The following SPICE1 variants were observed in gnomAD, a reference collection of about 807,000 sequenced individuals.
SPICE1 encodes spindle and centriole associated protein 1, also known as spindle and centriole-associated protein 1.
A neutral mutation model predicts 102.7 loss-of-function variants in SPICE1; 75 were observed. That is an observed-to-expected ratio of 0.73 (90% confidence interval 0.61 to 0.88). SPICE1 has a LOEUF of 0.88. Ranked by LOEUF, SPICE1 falls within the 40% of genes least tolerant of loss-of-function variation. The pLI is 0.00. For synonymous variants in SPICE1, 308 were observed against 350.3 expected, an observed-to-expected ratio of 0.88 and a Z score of 1.35; for missense variants, 979 against 1,020.1, an observed-to-expected ratio of 0.96 and a Z score of 0.55.
In SPICE1 at chr3:113,450,470, C is replaced by T. The variant is rs1170954305; in HGVS notation, c.2189G>A (p.Arg730Gln). 1.4e-5 allele frequency: 22 copies of T among 1,613,386 alleles called. No individual in the cohort carries two copies. Among genetic ancestry groups the T allele is most frequent in the Non-Finnish European group, 1.7e-5 (20 of 1,179,970 alleles). The change falls in exon 15 of 18, where the codon CGG becomes CAG. Residue 730 changes from arginine (R) to glutamine (Q), a missense_variant. By Grantham distance (43) the Arg-to-Gln change is conservative. Transcript: ENST00000295872. ...QSLTPGSMEERIAELNRQSME... is the reference protein window; with the variant it reads ...QSLTPGSMEEQIAELNRQSME... ...ACTTTGTCGATTCAATTCTGCAATC[C>T]GTTCCTCCATACTACCTGGTGTTAG... is the stretch of plus-strand genomic sequence containing the variant.
At position 113,445,114 on chromosome 3, in the gene SPICE1, T is replaced by TGGTTGATGAACCAC. The variant is rs1471359941; in HGVS notation, c.*192_*193insGTGGTTCATCAACC. 4.4e-6 allele frequency: 2 copies of TGGTTGATGAACCAC among 450,190 alleles called. No homozygotes were observed. Among genetic ancestry groups the TGGTTGATGAACCAC allele is most frequent in the East Asian group, 6.9e-5 (2 of 29,048 alleles). 27.9% of individuals were successfully genotyped at this position (450,190 alleles called of 1,614,324 possible). On this transcript the variant is annotated 3_prime_UTR_variant, in exon 18 of 18. Transcript: ENST00000295872. Reference sequence around the variant, plus strand: ...TCAAAGTTTCATTCACAGGGAGCTGTAGGTCAGTTGGTTGTTGAAAACTTA... The same window carrying TGGTTGATGAACCAC: ...TCAAAGTTTCATTCACAGGGAGCTGTGGTTGATGAACCACAGGTCAGTTGGTTGTTGAAAACTTA...
Position 113,450,517 on chromosome 3 carries a change from C to A in SPICE1, c.2143-1G>T. 2 of 1,503,680 alleles carry A rather than the reference C, an allele frequency of 1.3e-6. No individual in the cohort carries two copies. Among genetic ancestry groups the A allele is most frequent in the East Asian group, 2.4e-5 (1 of 42,004 alleles). 93.1% of individuals were successfully genotyped at this position (1,503,680 alleles called of 1,614,324 possible). Reference sequence around the variant, plus strand: ...TTAGAGACTGTGCTACTGGAAAAGTCTTTGGGAGAAAAAAAAAAAAAGTAC... The same window carrying A: ...TTAGAGACTGTGCTACTGGAAAAGTATTTGGGAGAAAAAAAAAAAAAGTAC... On this transcript the variant is annotated splice_acceptor_variant, in intron 14 of 17. Coordinates refer to ENST00000295872, the MANE Select transcript of SPICE1 (RefSeq NM_144718.4). LOFTEE classifies it high-confidence loss of function.
intron 14 of SPICE1, among the ~76,000 whole-genome samples, chr3:113,451,047 A>G (rs547917399): frequency 1.3e-3 from 196 of 152,324 alleles, no homozygotes; most frequent in African/African-American, 4.5e-3. Context: ...AGTAAATGCC[A>G]CACATCTTTG....
chr3:113,468,365 T>A lies in SPICE1; in HGVS notation c.929A>T (p.Lys310Met), dbSNP rs1282622975. Reference protein sequence around the residue: ...KPNLHALSKPKKNISSGSTTS... With the variant: ...KPNLHALSKPMKNISSGSTTS... ...TGTGCTACCTGATGATATGTTTTTC[T>A]TCGGCTTGGAAAGAGCATGCAAATT... is the stretch of plus-strand genomic sequence containing the variant. Residue 310 changes from lysine to methionine, a missense_variant, in exon 10 of 18, where the codon AAG becomes ATG. Transcript: ENST00000295872. 1.9e-6 allele frequency: 3 copies of A among 1,614,086 alleles called. No individual in the cohort carries two copies. The African/African-American group carries it at 4.0e-5, about 22-fold the overall frequency.
chr3:113,447,048 C>T (rs1208301625), intron 16 of SPICE1, among the ~76,000 whole-genome samples: 2 of 152,066 alleles, frequency 1.3e-5, no homozygotes, highest in Admixed American at 6.5e-5. Flanking sequence ...GGGGTTTCTG[C>T]TTTTGCTTCT....
In SPICE1 at chr3:113,488,024, T is replaced by G. The variant is rs531097821; in HGVS notation, c.611+921A>C. 4.6e-5 allele frequency among the ~76,000 whole-genome samples: 7 copies of G among 152,116 alleles called. No homozygotes were observed. The South Asian group carries it at 1.0e-3, about 23-fold the overall frequency. ...AGATTAGATTTTAGAAGATTCCAGG[T>G]TTTTTTTAAAAATGAAAAGACATGA... On this transcript the variant is annotated intron_variant, in intron 7 of 17. Coordinates refer to ENST00000295872, the MANE Select transcript of SPICE1 (RefSeq NM_144718.4).
chr3:113,450,734 G>A (rs1050030869), intron 14 of SPICE1, among the ~76,000 whole-genome samples: 28 of 151,812 alleles, frequency 1.8e-4, no homozygotes, highest in African/African-American at 5.6e-4. Context: ...CTGCCACCAC[G>A]CCCAGCTAAT....
chr3:113,512,247 C>T (rs1039776115), intron 1 of SPICE1, among the ~76,000 whole-genome samples: 1 of 152,110 alleles, frequency 6.6e-6, no homozygotes, highest in Non-Finnish European at 1.5e-5. Flanking sequence ...TAGGATAACA[C>T]AGGTATAGTT....
intron 7 of SPICE1, among the ~76,000 whole-genome samples, chr3:113,481,205 A>T (rs1240113994): frequency 6.6e-6 from 1 of 152,212 alleles, no homozygotes; most frequent in African/African-American, 2.4e-5. Context: ...AAAGTAGCAG[A>T]ATATCAAGGC....
Position 113,504,571 on chromosome 3 carries a change from C to CAAAAA in SPICE1, c.100-1349_100-1345dup, listed in dbSNP as rs71633321. ...TGGGCAACATAGCAAGACCTTGTCT[C>CAAAAA]AAAAAAAAAAAAAAAAAAAAAAAGG... is the stretch of plus-strand genomic sequence containing the variant. On this transcript the variant is annotated intron_variant, in intron 2 of 17. Coordinates refer to ENST00000295872, the MANE Select transcript of SPICE1 (RefSeq NM_144718.4). 6.5e-3 allele frequency among the ~76,000 whole-genome samples: 438 copies of CAAAAA among 67,802 alleles called. 5 individuals carry two copies. The highest frequency in any genetic ancestry group is 0.015 in the Middle Eastern group (2 of 132). 44.5% of individuals were successfully genotyped at this position (67,802 alleles called of 152,430 possible).
At chr3:113,483,460 G>C (rs1179388418) in intron 7 of SPICE1, among the ~76,000 whole-genome samples, 1 of 151,900 alleles carries the variant, frequency 6.6e-6, no homozygotes, top group Non-Finnish European at 1.5e-5. Context: ...GGAGTTGTGA[G>C]AGAGGGCATC....
chr3:113,474,485 A>G (rs1936289219), intron 7 of SPICE1, among the ~76,000 whole-genome samples: 2 of 152,108 alleles, frequency 1.3e-5, no homozygotes, highest in Admixed American at 1.3e-4. Context: ...CAGAATATAC[A>G]TTTTTTTCAG....
Position 113,499,583 on chromosome 3 carries a change from C to A in SPICE1, c.148-1G>T, listed in dbSNP as rs1335098018. The A allele has an allele frequency of 2.5e-6, 4 of 1,600,700 alleles. No individual in the cohort carries two copies. The highest frequency in any genetic ancestry group is 3.4e-6 in the Non-Finnish European group (4 of 1,175,056). On this transcript the variant is annotated splice_acceptor_variant, in intron 3 of 17. Coordinates refer to ENST00000295872, the MANE Select transcript of SPICE1 (RefSeq NM_144718.4). LOFTEE classifies it high-confidence loss of function. The stretch of plus-strand genomic sequence containing the variant: ...ATTTGTGTATTTCATGACGGCGTAC[C>A]TATACAGAAGAGAAAAGTACATAAA...
At chr3:113,453,338 C>CA (rs1935700930) in intron 14 of SPICE1, 128 bp downstream of exon 14, 1 of 1,152,138 alleles carries the variant, frequency 8.7e-7, no homozygotes, top group African/African-American at 1.5e-5. Context: ...GAGGACATGC[C>CA]AAACATAAGC....
At chr3:113,464,062 C>T (rs867711941) in intron 11 of SPICE1, among the ~76,000 whole-genome samples, 7 of 149,608 alleles carry the variant, frequency 4.7e-5, no homozygotes, top group East Asian at 2.0e-4. Context: ...AGTGGGACTC[C>T]GTCTCAAAAA....
rs139183999 is a variant in SPICE1 at position 113,495,674 on chromosome 3, A to C, written c.292-1532T>G. 5.8e-3 allele frequency among the ~76,000 whole-genome samples: 879 copies of C among 152,354 alleles called. 9 individuals carry two copies. The highest frequency in any genetic ancestry group is 0.02 in the African/African-American group (826 of 41,576). On this transcript the variant is annotated intron_variant, in intron 4 of 17. Coordinates refer to ENST00000295872, the MANE Select transcript of SPICE1 (RefSeq NM_144718.4). ...TATAACTTAAATTATATTATCCCACAAACCAAATTTCTATTCTTACTTAGC... is the reference window on the plus strand; with the variant it reads ...TATAACTTAAATTATATTATCCCACCAACCAAATTTCTATTCTTACTTAGC...
chr3:113,488,138 T>C (rs1489456957), intron 7 of SPICE1, among the ~76,000 whole-genome samples: 2 of 152,196 alleles, frequency 1.3e-5, no homozygotes, highest in African/African-American at 4.8e-5. Context: ...GAAATCTAAA[T>C]AAGGTCTATG....
At chr3:113,478,027 G>C (rs528644166) in intron 7 of SPICE1, among the ~76,000 whole-genome samples, 1 of 146,362 alleles carries the variant, frequency 6.8e-6, no homozygotes, top group Admixed American at 6.8e-5. Context: ...GTAAAAAAAA[G>C]AAAACAAGAT....
intron 9 of SPICE1, 61 bp from the exon 10 acceptor site, chr3:113,468,465 T>C: frequency 6.5e-7 from 1 of 1,530,206 alleles, no homozygotes; most frequent in Non-Finnish European, 8.9e-7. Flanking sequence ...AGAAAACTAC[T>C]AGAAAAATCT....
Sources: allele counts gnomAD v4.1 joint callset (sites outside exome capture counted in the v4.1 genomes callset), GRCh38; gene constraint gnomAD v4.1.1; transcripts MANE v1.5; gene names NCBI Gene and HGNC (gene_info 2026-07-23, HGNC 2026-07-21).